Variants in CDCA5 observed in about 807,000 individuals in gnomAD.
CDCA5 encodes sororin.
Under a neutral mutation model 25.7 loss-of-function variants are expected in CDCA5, and 14 were observed. The ratio of observed to expected loss-of-function variants is 0.54; its 90% CI spans 0.36 to 0.85. The LOEUF (loss-of-function observed/expected upper bound fraction) is 0.85, where lower values mean the gene tolerates loss of function less well. Ranked by LOEUF, CDCA5 falls within the 40% of genes least tolerant of loss-of-function variation. The probability of loss-of-function intolerance (pLI) is 0.01; values close to 1 mark genes in which losing one functional copy is unlikely to be tolerated. For missense variants in CDCA5, 307 were observed against 324.5 expected (o/e 0.95, Z 0.41); for synonymous variants, 127 against 128.7 (o/e 0.99, Z 0.09).
intron 2 of CDCA5, chr11:65,068,355 C>G (rs1396493939): frequency 5.8e-6 from 3 of 513,866 alleles, no homozygotes; most frequent in Non-Finnish European, 9.6e-6. Context: ...GGAGCTGGGC[C>G]TGGACGCCCT....
chr11:65,079,515 C>T lies in CDCA5; in HGVS notation c.516G>A (p.Leu172=), dbSNP rs773750589. 85 of 1,614,090 alleles carry T rather than the reference C, an allele frequency of 5.3e-5. No individual in the cohort carries two copies. The South Asian group carries it at 6.8e-4, about 13-fold the overall frequency. Residue 172 remains leucine (L), a synonymous_variant, in exon 5 of 6, where the codon CTG becomes CTA. Coordinates refer to ENST00000275517, the MANE Select transcript of CDCA5 (RefSeq NM_080668.4). ...RRSCFGFEGL[L]GAEDLSGVSP... ...AGACTCCGGACAAGTCTTCTGCCCC[C>T]AGCAGCCCCTCGAAGCCAAAGCAGG...
rs767310931 is a variant in CDCA5 at position 65,066,598 on chromosome 11, C to T, written c.517G>A (p.Ala173Thr). ...AGGGCCTGGCTTTCCTCCTGCAGGG[C>T]CTTCACTTCATCCTGGATGGCCTGG... Residue 173 changes from alanine to threonine, a missense_variant, in exon 6 of 7, where the codon GCC becomes ACC. Ala to Thr is a moderately conservative substitution (Grantham distance 58, BLOSUM62 0). Coordinates refer to the CDCA5 transcript ENST00000525464. The T allele has an allele frequency of 5.4e-6, 7 of 1,289,330 alleles. No homozygotes were observed. The East Asian group carries it at 2.8e-4, about 51-fold the overall frequency. The allele number at this position is 1,289,330 out of a possible 1,614,324, so 79.9% of individuals were successfully genotyped here.
intron 4 of CDCA5, among the ~76,000 whole-genome samples, chr11:65,067,044 A>G (rs981498464): frequency 6.6e-6 from 1 of 152,178 alleles, no homozygotes; most frequent in African/African-American, 2.4e-5. Context: ...CACAGGTGGG[A>G]TGGGAATTGT....
intron 3 of CDCA5, chr11:65,067,973 G>C: frequency 8.5e-7 from 1 of 1,182,292 alleles, no homozygotes; most frequent in Non-Finnish European, 1.1e-6. Flanking sequence ...GTGCGTGCCT[G>C]CATGTGCCTG....
chr11:65,068,483 A>C (rs1947282805), intron 2 of CDCA5: 3 of 1,287,076 alleles, frequency 2.3e-6, no homozygotes, highest in African/African-American at 1.5e-5. Flanking sequence ...GGGGTTTCCC[A>C]TCACCTCCAA....
exon 4 of CDCA5, chr11:65,067,680 T>C (rs1947265152): frequency 7.8e-7 from 1 of 1,289,784 alleles, no homozygotes; most frequent in South Asian, 1.2e-5. Context: ...TGCAACTGCC[T>C]GATCTCCTTT....
downstream of CDCA5, among the ~76,000 whole-genome samples, chr11:65,076,059 C>A (rs1947438621): frequency 6.6e-6 from 1 of 152,290 alleles, no homozygotes; most frequent in African/African-American, 2.4e-5. Context: ...CAACTTGGAA[C>A]GTTCCTTCAA....
Position 65,079,639 on chromosome 11 carries a change from A to T in CDCA5, c.392T>A (p.Leu131Gln). ...EAESSSKEGE[L>Q]DARDLEMSKK... Reference sequence around the variant, plus strand: ...AGACATTTCCAAGTCTCTGGCGTCCAGCTCTCCTTCCTTGGAGCTGGACTC... The same window carrying T: ...AGACATTTCCAAGTCTCTGGCGTCCTGCTCTCCTTCCTTGGAGCTGGACTC... The change falls in exon 5 of 6, where the codon CTG (leucine) becomes CAG (glutamine). Residue 131 changes from leucine to glutamine, a missense_variant. Leu to Gln is a moderately radical substitution (Grantham distance 113). Coordinates refer to ENST00000275517, the MANE Select transcript of CDCA5 (RefSeq NM_080668.4). 6.2e-7 allele frequency: 1 copy of T among 1,608,388 alleles called. No individual in the cohort carries two copies. Among genetic ancestry groups the T allele is most frequent in the South Asian group, 1.1e-5 (1 of 90,640 alleles).
intron 4 of CDCA5, among the ~76,000 whole-genome samples, chr11:65,082,261 A>G (rs1164944873): frequency 2.6e-5 from 4 of 152,128 alleles, no homozygotes; most frequent in African/African-American, 4.8e-5. Flanking sequence ...AAGGCTGCCC[A>G]CAGACCCAAG....
At chr11:65,064,351 G>A (rs1269293597), downstream of CDCA5, among the ~76,000 whole-genome samples, 1 of 148,652 alleles carries the variant, frequency 6.7e-6, no homozygotes, top group African/African-American at 2.5e-5. Context: ...CCAGGAGGCA[G>A]AGGTTGCAGT....
chr11:65,066,529 C>T (rs899178706), intron 6 of CDCA5: 31 of 1,289,220 alleles, frequency 2.4e-5, no homozygotes, highest in African/African-American at 3.0e-5. Flanking sequence ...CTTCCCTCCC[C>T]GCTGCCATGG....
chr11:65,061,273 T>G, the CDCA5 span, among the ~76,000 whole-genome samples: 1 of 152,028 alleles, frequency 6.6e-6, no homozygotes, highest in East Asian at 1.9e-4. Context: ...GCCAGCCCTG[T>G]GAATAAACCA....
chr11:65,079,359 C>G lies in CDCA5; in HGVS notation c.672G>C (p.Glu224Asp), dbSNP rs1397543836. 6.2e-7 allele frequency: 1 copy of G among 1,614,134 alleles called. No individual in the cohort carries two copies. The highest frequency in any genetic ancestry group is 2.2e-5 in the East Asian group (1 of 44,888). Residue 224 changes from glutamate to aspartate, a missense_variant, in exon 5 of 6, where the codon GAG (glutamate) becomes GAC (aspartate). By Grantham distance (45) the Glu-to-Asp change is conservative. Coordinates refer to ENST00000275517, the MANE Select transcript of CDCA5 (RefSeq NM_080668.4). Reference sequence around the variant, plus strand: ...ACCCCTGCCTCTCACTCACCAAGATCTCTGGCATTTTCTTCTTCTTACGTT... The same window carrying G: ...ACCCCTGCCTCTCACTCACCAAGATGTCTGGCATTTTCTTCTTCTTACGTT... The part of the protein sequence containing the change: ...KQKRKKKKMP[E>D]ILKTELDEWA...
At chr11:65,064,599 A>G (rs1353495083), downstream of CDCA5, among the ~76,000 whole-genome samples, 1 of 152,142 alleles carries the variant, frequency 6.6e-6, no homozygotes, top group Admixed American at 6.5e-5. Context: ...GGAAAATTGC[A>G]AGACAGCTGT....
chr11:65,068,134 G>A (rs766840723), intron 2 of CDCA5: 56 of 1,282,924 alleles, frequency 4.4e-5, no homozygotes, highest in African/African-American at 3.2e-4. Context: ...CAGAGAAAGC[G>A]CCAAGGTGAC....
chr11:65,068,704 G>A (rs1169878602), intron 1 of CDCA5: 4 of 543,874 alleles, frequency 7.4e-6, no homozygotes, highest in Admixed American at 2.9e-5. Flanking sequence ...CCTGGCGAGC[G>A]TCTATCACCA....
At position 65,079,712 on chromosome 11, in the gene CDCA5, T is replaced by C; in HGVS notation, c.319A>G (p.Ser107Gly). 3 of 1,551,894 alleles carry C rather than the reference T, an allele frequency of 1.9e-6. No homozygotes were observed. Among genetic ancestry groups the C allele is most frequent in the Non-Finnish European group, 2.6e-6 (3 of 1,149,510 alleles). Residue 107 changes from serine to glycine, a missense_variant, in exon 5 of 6, where the codon AGC becomes GGC. Ser to Gly is a moderately conservative substitution (Grantham distance 56, BLOSUM62 0). Coordinates refer to ENST00000275517, the MANE Select transcript of CDCA5 (RefSeq NM_080668.4). ...LTKEDLFKTH[S>G]VPATPTSTPV... ...GTGCTGGTGGGGGTGGCAGGGACGC[T>C]GTGTGTCTTGAAAAGGTCCTCCTTA... is the stretch of plus-strand genomic sequence containing the variant.
At chr11:65,077,026 G>A (rs1038802319), downstream of CDCA5, among the ~76,000 whole-genome samples, 14 of 152,158 alleles carry the variant, frequency 9.2e-5, no homozygotes, top group Non-Finnish European at 1.5e-4. Context: ...AGTGGCTCAC[G>A]CCTGTAATCC....
exon 5 of CDCA5, chr11:65,066,865 A>T (rs755498243): frequency 7.8e-7 from 1 of 1,289,294 alleles, no homozygotes; most frequent in Non-Finnish European, 1.0e-6. Flanking sequence ...GGTGGTGTTC[A>T]GTGACTCCCG....
Sources: gnomAD v4.1 joint callset for allele counts (sites outside exome capture counted in the v4.1 genomes callset) on GRCh38, gnomAD v4.1.1 for gene constraint, MANE v1.5 for transcripts, NCBI Gene and HGNC (gene_info 2026-07-23, HGNC 2026-07-21) for gene names.